CHMP7: variants seen among roughly 807,000 people sequenced by gnomAD.
CHMP7 encodes charged multivesicular body protein 7, also known as CHMP family, member 7.
Under a neutral mutation model 53.7 loss-of-function variants are expected in CHMP7, and 15 were observed. That is an observed-to-expected ratio of 0.28 (90% CI 0.19 to 0.43). CHMP7 has a LOEUF of 0.43. CHMP7 is among the 20% of genes least tolerant of loss of function. The probability of loss-of-function intolerance (pLI) is 1.00; values close to 1 mark genes in which losing one functional copy is unlikely to be tolerated. For synonymous variants in CHMP7, 261 were observed against 228.0 expected, an observed-to-expected ratio of 1.14 and a Z score of -1.30; for missense variants, 527 against 569.4, an observed-to-expected ratio of 0.93 and a Z score of 0.76.
chr8:23,258,180 G>C, intron 6 of CHMP7, 99 bp downstream of exon 6: 1 of 1,436,588 alleles, frequency 7.0e-7, no homozygotes. Context: ...TTTGAGGGGG[G>C]TAGAGTCTGC....
In CHMP7 at chr8:23,255,342, C is replaced by G; in HGVS notation, c.567C>G (p.Asn189Lys). 6.2e-7 allele frequency: 1 copy of G among 1,614,164 alleles called. No individual in the cohort carries two copies. The highest frequency in any genetic ancestry group is 8.5e-7 in the Non-Finnish European group (1 of 1,179,996). The change falls in exon 4 of 11, where the codon AAC becomes AAG. Residue 189 changes from asparagine to lysine, a missense_variant. Coordinates refer to ENST00000397677, the MANE Select transcript of CHMP7 (RefSeq NM_152272.5). Reference sequence around the variant, plus strand: ...CAGAGCTCAGCACCCTCTGTGCTAACTCCTGCCCAGATGAGAGGACCTTCT... The same window carrying G: ...CAGAGCTCAGCACCCTCTGTGCTAAGTCCTGCCCAGATGAGAGGACCTTCT... ...ALSELSTLCANSCPDERTFYL... is the reference protein window; with the variant it reads ...ALSELSTLCAKSCPDERTFYL...
In CHMP7 at chr8:23,243,727, C is replaced by T. The variant is rs1181992896; in HGVS notation, c.-558C>T. 1 of 154,354 alleles carries T rather than the reference C, an allele frequency of 6.5e-6. No homozygotes were observed. The highest frequency in any genetic ancestry group is 2.4e-5 in the African/African-American group (1 of 41,472). 9.6% of individuals were successfully genotyped at this position (154,354 alleles called of 1,614,324 possible). A position where few individuals can be genotyped will look rare whatever the true frequency, so the allele number is the denominator to read the frequency against. On this transcript the variant is annotated 5_prime_UTR_variant, in exon 1 of 11. Coordinates refer to ENST00000397677, the MANE Select transcript of CHMP7 (RefSeq NM_152272.5). ...TATACTCGTCTTTTCTCTTGGCCAACCTTACGGTAGCTGTACCAGTTTGCA... is the reference window on the plus strand; with the variant it reads ...TATACTCGTCTTTTCTCTTGGCCAATCTTACGGTAGCTGTACCAGTTTGCA...
chr8:23,247,897 C>G (rs2128856820), intron 2 of CHMP7: 1 of 362,308 alleles, frequency 2.8e-6, no homozygotes, highest in African/African-American at 2.1e-5. Flanking sequence ...AAAGTCAACT[C>G]TGATGTTTTT....
chr8:23,256,387 C>A, intron 4 of CHMP7, 73 bp from the exon 5 acceptor site: 1 of 1,018,260 alleles, frequency 9.8e-7, no homozygotes, highest in Non-Finnish European at 1.6e-6. Flanking sequence ...CACATGCCCA[C>A]CACCAGCGCT....
Position 23,255,116 on chromosome 8 carries a change from C to T in CHMP7, c.472-131C>T, listed in dbSNP as rs1013162853. 3.3e-5 allele frequency: 29 copies of T among 889,050 alleles called. No homozygotes were observed. The Admixed American group carries it at 6.1e-4, about 19-fold the overall frequency. The allele number at this position is 889,050 out of a possible 1,614,324, so 55.1% of individuals were successfully genotyped here. ...CTTCCTCCTTTTTGAAAAGCCGCTACTTTGGGGAGGATGGGGTTGGGATTC... is the reference window on the plus strand; with the variant it reads ...CTTCCTCCTTTTTGAAAAGCCGCTATTTTGGGGAGGATGGGGTTGGGATTC... On this transcript the variant is annotated intron_variant, in intron 3 of 10. Coordinates refer to ENST00000397677, the MANE Select transcript of CHMP7 (RefSeq NM_152272.5).
intron 3 of CHMP7, among the ~76,000 whole-genome samples, chr8:23,251,225 T>C (rs1801918470): frequency 1.3e-5 from 2 of 152,146 alleles, no homozygotes; most frequent in African/African-American, 4.8e-5. Context: ...TTTTCCCAAG[T>C]CCAGACAGAG....
rs766177063 is a variant in CHMP7 at position 23,246,656 on chromosome 8, C to T, written c.-40C>T. On this transcript the variant is annotated 5_prime_UTR_variant, in exon 2 of 11. Coordinates refer to ENST00000397677, the MANE Select transcript of CHMP7 (RefSeq NM_152272.5). The stretch of plus-strand genomic sequence containing the variant: ...GAACGAGGGCGGAAGCGGACCAGGG[C>T]CAGGCTTGTGTTCGCAGCCTTGCCG... The T allele has an allele frequency of 2.6e-6, 4 of 1,525,776 alleles. No homozygotes were observed. The highest frequency in any genetic ancestry group is 2.8e-5 in the African/African-American group (2 of 72,582). 94.5% of individuals were successfully genotyped at this position (1,525,776 alleles called of 1,614,324 possible).
chr8:23,255,412 C>G lies in CHMP7; in HGVS notation c.637C>G (p.Leu213Val). ...QLQKEKRVTV[L>V]EQNGEKIVKF... ...GCAGAAGGAGAAGAGGGTCACAGTC[C>G]TCGAGCAGAACGGGGAGAAGGTATG... The change falls in exon 4 of 11, where the codon CTC becomes GTC. Residue 213 changes from leucine to valine, a missense_variant. By Grantham distance (32) the Leu-to-Val change is conservative. Coordinates refer to ENST00000397677, the MANE Select transcript of CHMP7 (RefSeq NM_152272.5). 1 of 1,614,180 alleles carries G rather than the reference C, an allele frequency of 6.2e-7. No homozygotes were observed. The highest frequency in any genetic ancestry group is 8.5e-7 in the Non-Finnish European group (1 of 1,180,022).
At chr8:23,251,860 A>G (rs1424205232) in intron 3 of CHMP7, among the ~76,000 whole-genome samples, 1 of 152,220 alleles carries the variant, frequency 6.6e-6, no homozygotes, top group Non-Finnish European at 1.5e-5. Flanking sequence ...CCACTTGTGC[A>G]GAGATCTATG....
At chr8:23,260,416 G>A in intron 10 of CHMP7, 93 bp downstream of exon 10, 2 of 1,541,956 alleles carry the variant, frequency 1.3e-6, no homozygotes, top group East Asian at 2.2e-5. Context: ...ATTTGCCAGA[G>A]TACCAGAGCC....
intron 2 of CHMP7, 81 bp downstream of exon 2, chr8:23,247,075 C>T (rs1162102927): frequency 4.5e-6 from 6 of 1,328,714 alleles, no homozygotes; most frequent in Non-Finnish European, 6.0e-6. Flanking sequence ...CTGTTCTCTG[C>T]ACAGCGCACT....
intron 3 of CHMP7, among the ~76,000 whole-genome samples, chr8:23,254,027 A>G (rs563369238): frequency 5.9e-5 from 9 of 152,240 alleles, no homozygotes; most frequent in Admixed American, 2.6e-4. Flanking sequence ...TACACTTTCT[A>G]TAATATAGGA....
In CHMP7 at chr8:23,250,023, C is replaced by G. The variant is rs537471654; in HGVS notation, c.471+642C>G. 4.6e-5 allele frequency among the ~76,000 whole-genome samples: 7 copies of G among 152,324 alleles called. No homozygotes were observed. The East Asian group carries it at 1.3e-3, about 29-fold the overall frequency. ...AGACTCCCAGCAGATCCGTAGCCCT[C>G]GATCAGCCACATGGGGTTTACCACC... On this transcript the variant is annotated intron_variant, in intron 3 of 10. Coordinates refer to ENST00000397677, the MANE Select transcript of CHMP7 (RefSeq NM_152272.5).
chr8:23,251,910 A>T (rs984815534), intron 3 of CHMP7, among the ~76,000 whole-genome samples: 1 of 152,134 alleles, frequency 6.6e-6, no homozygotes, highest in Non-Finnish European at 1.5e-5. Flanking sequence ...TTTTTCGGAA[A>T]TGCATATGTG....
chr8:23,258,322 G>T lies in CHMP7; in HGVS notation c.841-8G>T. ...GTTCAGCACTGACCTAAGTCTCCAT[G>T]CCTCCAGGCACTGAGGTCTCTCAAG... On this transcript the variant is annotated splice_region_variant and splice_polypyrimidine_tract_variant and intron_variant, in intron 6 of 10. Transcript: ENST00000397677. The T allele has an allele frequency of 6.2e-7, 1 of 1,614,148 alleles. No individual in the cohort carries two copies. Among genetic ancestry groups the T allele is most frequent in the Non-Finnish European group, 8.5e-7 (1 of 1,180,044 alleles).
intron 8 of CHMP7, 62 bp from the exon 9 acceptor site, chr8:23,259,004 C>A: frequency 8.3e-7 from 1 of 1,200,366 alleles, no homozygotes; most frequent in African/African-American, 1.5e-5. Context: ...TATTTTCCAC[C>A]AAAGACTGAG....
Position 23,260,140 on chromosome 8 carries a change from C to G in CHMP7, c.1121-4C>G. The stretch of plus-strand genomic sequence containing the variant: ...TGCATCTTTATGTTGTCTTTTCTTT[C>G]CAGATTTTGACAGTGAAGAACTGGA... On this transcript the variant is annotated splice_region_variant and splice_polypyrimidine_tract_variant and intron_variant, in intron 9 of 10. Coordinates refer to ENST00000397677, the MANE Select transcript of CHMP7 (RefSeq NM_152272.5). 2 of 1,612,868 alleles carry G rather than the reference C, an allele frequency of 1.2e-6. No homozygotes were observed. Among genetic ancestry groups the G allele is most frequent in the Non-Finnish European group, 8.5e-7 (1 of 1,178,952 alleles).
chr8:23,260,359 A>G (rs1255918939), intron 10 of CHMP7, 36 bp downstream of exon 10: 3 of 1,608,856 alleles, frequency 1.9e-6, no homozygotes, highest in African/African-American at 2.7e-5. Flanking sequence ...TGGAGGGCAT[A>G]TGGCCTTCTG....
intron 9 of CHMP7, among the ~76,000 whole-genome samples, chr8:23,259,385 G>C (rs1585318318): frequency 6.7e-6 from 1 of 149,160 alleles, no homozygotes; most frequent in Middle Eastern, 3.2e-3. Flanking sequence ...TTTTTAGATG[G>C]AGTCTCACTC....
Sources: gnomAD v4.1 joint callset for allele counts (sites outside exome capture counted in the v4.1 genomes callset) on GRCh38, gnomAD v4.1.1 for gene constraint, MANE v1.5 for transcripts, NCBI Gene and HGNC (gene_info 2026-07-23, HGNC 2026-07-21) for gene names.